COL19A1: variants seen among roughly 807,000 people sequenced by gnomAD.
COL19A1 encodes the protein collagen alpha-1(XIX) chain.
COL19A1 carries 159 observed loss-of-function variants against 190.2 expected under a neutral mutation model. The observed-to-expected ratio is 0.84, with a 90% CI of 0.73 to 0.95. The LOEUF (loss-of-function observed/expected upper bound fraction) is 0.95. Ranked by LOEUF, COL19A1 falls within the 40% of genes least tolerant of loss-of-function variation. COL19A1 has a pLI of 0.00. For missense variants in COL19A1, 1,418 were observed against 1,431.9 expected, an observed-to-expected ratio of 0.99 and a Z score of 0.16; for synonymous variants, 509 against 458.9, an observed-to-expected ratio of 1.11 and a Z score of -1.39.
Position 69,928,036 on chromosome 6 carries a change from A to G in COL19A1, c.390+4A>G, listed in dbSNP as rs770889795. ...AAACCAGCAGAATATTCCACAGGTA[A>G]AGTACCATTAGAGTTGTGCTCATTA... On this transcript the variant is annotated splice_donor_region_variant and intron_variant, in intron 5 of 50. Coordinates refer to ENST00000620364, the MANE Select transcript of COL19A1 (RefSeq NM_001858.6). 6.8e-6 allele frequency: 11 copies of G among 1,612,390 alleles called. No individual in the cohort carries two copies. Among genetic ancestry groups the G allele is most frequent in the Non-Finnish European group, 9.3e-6 (11 of 1,179,014 alleles).
intron 4 of COL19A1, among the ~76,000 whole-genome samples, chr6:69,915,506 G>T: frequency 6.6e-6 from 1 of 152,118 alleles, no homozygotes; most frequent in East Asian, 1.9e-4. Flanking sequence ...TATTTGTTCA[G>T]TTGATACCCT....
rs1457686688 is a variant in COL19A1 at position 70,208,871 on chromosome 6, G to A, written c.*1597G>A. 3.9e-5 allele frequency: 6 copies of A among 152,546 alleles called. No individual in the cohort carries two copies. The highest frequency in any genetic ancestry group is 3.3e-4 in the Admixed American group (5 of 15,264). The allele number at this position is 152,546 out of a possible 1,614,324, so 9.4% of individuals were successfully genotyped here. A position where few individuals can be genotyped will look rare whatever the true frequency, so the allele number is the denominator to read the frequency against. ...TCCAATGCATCCGTGATTTGAACCG[G>A]TTTTCATTATAGATTAATGAACTGC... On this transcript the variant is annotated 3_prime_UTR_variant, in exon 51 of 51. Transcript: ENST00000620364.
intron 15 of COL19A1, 116 bp downstream of exon 15, chr6:70,068,592 A>G (rs943311827): frequency 6.7e-6 from 4 of 600,686 alleles, no homozygotes; most frequent in Non-Finnish European, 1.2e-5. Context: ...GAGAGTATCA[A>G]TTATCCAAAG....
intron 37 of COL19A1, among the ~76,000 whole-genome samples, chr6:70,167,394 AT>A (rs1025936649): frequency 3.9e-5 from 6 of 152,186 alleles, no homozygotes. Flanking sequence ...AAAATGTATG[AT>A]TTTTTTAAAC....
chr6:70,078,047 GTTTA>G (rs1781999829), intron 15 of COL19A1, among the ~76,000 whole-genome samples: 1 of 152,144 alleles, frequency 6.6e-6, no homozygotes, highest in Non-Finnish European at 1.5e-5. Flanking sequence ...CATGTTTATA[GTTTA>G]TTTGTCTTCG....
intron 15 of COL19A1, among the ~76,000 whole-genome samples, chr6:70,079,594 G>A (rs1370143443): frequency 6.6e-6 from 1 of 152,194 alleles, no homozygotes; most frequent in Non-Finnish European, 1.5e-5. Flanking sequence ...TTGAAAGGGA[G>A]GAGACTGCGA....
At chr6:70,097,365 GGCCA>G (rs1783341049) in intron 15 of COL19A1, among the ~76,000 whole-genome samples, 2 of 151,856 alleles carry the variant, frequency 1.3e-5, no homozygotes, top group South Asian at 4.2e-4. Context: ...CTGTTGCATG[GGCCA>G]GGATTGTCTT....
At chr6:70,038,706 A>C (rs904794759) in intron 14 of COL19A1, among the ~76,000 whole-genome samples, 5 of 152,156 alleles carry the variant, frequency 3.3e-5, no homozygotes, top group Non-Finnish European at 7.4e-5. Context: ...GTTCAAATGC[A>C]TATTTTTATT....
At chr6:70,047,026 G>A (rs1779955243) in intron 14 of COL19A1, among the ~76,000 whole-genome samples, 1 of 151,880 alleles carries the variant, frequency 6.6e-6, no homozygotes, top group African/African-American at 2.4e-5. Flanking sequence ...AAGGTATTTG[G>A]GTTCTACCAC....
At chr6:70,199,058 C>T (rs1767387534) in intron 48 of COL19A1, among the ~76,000 whole-genome samples, 1 of 152,202 alleles carries the variant, frequency 6.6e-6, no homozygotes, top group African/African-American at 2.4e-5. Flanking sequence ...AACTAGGAAG[C>T]CACGATGTCT....
chr6:69,962,685 T>A (rs1774873063), intron 10 of COL19A1, 141 bp from the exon 11 acceptor site: 2 of 448,926 alleles, frequency 4.5e-6, no homozygotes, highest in Non-Finnish European at 7.7e-6. Flanking sequence ...TGTAACAATA[T>A]TGGTTTAGAG....
chr6:69,877,232 C>A (rs1768183241), intron 1 of COL19A1, among the ~76,000 whole-genome samples: 1 of 152,162 alleles, frequency 6.6e-6, no homozygotes, highest in Non-Finnish European at 1.5e-5. Flanking sequence ...ACCAAATACA[C>A]TGAGGGAGCC....
chr6:69,961,803 G>A (rs1449860231), intron 10 of COL19A1, among the ~76,000 whole-genome samples: 1 of 151,306 alleles, frequency 6.6e-6, no homozygotes, highest in Admixed American at 6.6e-5. Flanking sequence ...CAATTATGTG[G>A]GTATATATAT....
intron 37 of COL19A1, among the ~76,000 whole-genome samples, chr6:70,166,196 G>A (rs1370628734): frequency 6.6e-6 from 1 of 152,172 alleles, no homozygotes; most frequent in African/African-American, 2.4e-5. Flanking sequence ...TTGGCATACT[G>A]CGGGTCTCCC....
chr6:69,966,293 G>A lies in COL19A1; in HGVS notation c.1026+3423G>A, dbSNP rs549326896. ...GTGTACCCAACAGCTCATTGAGAAC[G>A]GGCCATGATGACGATGGCGGTTTTG... On this transcript the variant is annotated intron_variant, in intron 11 of 50. Coordinates refer to ENST00000620364, the MANE Select transcript of COL19A1 (RefSeq NM_001858.6). Among the ~76,000 whole-genome samples the A allele has an allele frequency of 8.5e-5, 13 of 152,222 alleles. No individual in the cohort carries two copies. In the South Asian group the frequency reaches 2.7e-3, roughly 32 times the overall value.
At chr6:69,891,741 G>A (rs865893645) in intron 2 of COL19A1, among the ~76,000 whole-genome samples, 1 of 152,088 alleles carries the variant, frequency 6.6e-6, no homozygotes, top group Non-Finnish European at 1.5e-5. Flanking sequence ...TAGCTTTGGA[G>A]TTCCCTACAC....
chr6:70,207,546 T>G lies in COL19A1; in HGVS notation c.*272T>G, dbSNP rs1363869422. The G allele has an allele frequency of 9.4e-6, 2 of 212,970 alleles. No individual in the cohort carries two copies. The highest frequency in any genetic ancestry group is 1.9e-5 in the Non-Finnish European group (2 of 108,098). The allele number at this position is 212,970 out of a possible 1,614,324, so 13.2% of individuals were successfully genotyped here. Reference sequence around the variant, plus strand: ...TTTATATGAAATATGCAAGTAAATCTTATCGTTAGTTCTTCTTCAAAAGGA... The same window carrying G: ...TTTATATGAAATATGCAAGTAAATCGTATCGTTAGTTCTTCTTCAAAAGGA... On this transcript the variant is annotated 3_prime_UTR_variant, in exon 51 of 51. Transcript: ENST00000620364.
chr6:70,036,608 G>A (rs2150118866), intron 14 of COL19A1, among the ~76,000 whole-genome samples: 1 of 152,024 alleles, frequency 6.6e-6, no homozygotes, highest in South Asian at 2.1e-4. Context: ...GGTGATTAAA[G>A]ATTCTTATTT....
intron 6 of COL19A1, among the ~76,000 whole-genome samples, chr6:69,932,319 G>T (rs930028094): frequency 6.6e-6 from 1 of 151,878 alleles, no homozygotes; most frequent in Non-Finnish European, 1.5e-5. Flanking sequence ...TTTTTTCCTT[G>T]TTGGTAAGTG....
Sources: gnomAD v4.1 joint callset for allele counts (sites outside exome capture counted in the v4.1 genomes callset) on GRCh38, gnomAD v4.1.1 for gene constraint, MANE v1.5 for transcripts, NCBI Gene and HGNC (gene_info 2026-07-23, HGNC 2026-07-21) for gene names.